The following CCDC51 variants were observed in gnomAD, a reference collection of about 807,000 sequenced individuals.
The protein encoded by CCDC51 is coiled-coil domain containing 51, also known as mitochondrial potassium channel.
A neutral mutation model predicts 24.8 loss-of-function variants in CCDC51; 25 were observed. The observed-to-expected ratio is 1.01, with a 90% CI of 0.73 to 1.41. The LOEUF is 1.41. Among genes scored for constraint, CCDC51 ranks in the 40% most tolerant of loss-of-function variants. CCDC51 has a pLI of 0.00. For missense variants in CCDC51, 466 were observed against 519.1 expected, an observed-to-expected ratio of 0.90 and a Z score of 0.99; for synonymous variants, 190 against 204.3, an observed-to-expected ratio of 0.93 and a Z score of 0.60.
At chr3:48,434,545 A>G (rs1308769097) in intron 2 of CCDC51, among the ~76,000 whole-genome samples, 1 of 152,210 alleles carries the variant, frequency 6.6e-6, no homozygotes, top group Non-Finnish European at 1.5e-5. Context: ...TCTCACCATC[A>G]ATCCCCAAAT....
upstream of CCDC51, among the ~76,000 whole-genome samples, chr3:48,442,260 CAAAA>C (rs199829895): frequency 4.6e-4 from 61 of 131,898 alleles, no homozygotes; most frequent in African/African-American, 1.1e-3. Context: ...GACCCTATCT[CAAAA>C]AAAAAAAAAA....
In CCDC51 at chr3:48,435,853, T is replaced by C. The variant is rs1188196193; in HGVS notation, c.-8-717A>G. 1.3e-5 allele frequency among the ~76,000 whole-genome samples: 2 copies of C among 152,156 alleles called. No individual in the cohort carries two copies. Among genetic ancestry groups the C allele is most frequent in the African/African-American group, 4.8e-5 (2 of 41,440 alleles). On this transcript the variant is annotated intron_variant, in intron 1 of 3. Coordinates refer to ENST00000395694, the MANE Select transcript of CCDC51 (RefSeq NM_001256964.2). This position sits in a 1 kb window ranked among gnomAD's most constrained non-coding sequence, Gnocchi z 4.2. Reference sequence around the variant, plus strand: ...CGCCATACAACTCCGCCCCCAGACTTTCCAGGCTACCAACTCTCAGTCTCA... The same window carrying C: ...CGCCATACAACTCCGCCCCCAGACTCTCCAGGCTACCAACTCTCAGTCTCA...
At chr3:48,445,644 C>A in the CCDC51 span, among the ~76,000 whole-genome samples, 38,009 of 152,210 alleles carry the variant, frequency 0.25, 5,696 homozygotes, top group East Asian at 0.63. Flanking sequence ...GGGAAGCTAT[C>A]TGACGGAGAC....
At chr3:48,434,773 C>T in intron 2 of CCDC51, 44 bp downstream of exon 2, 8 of 1,531,670 alleles carry the variant, frequency 5.2e-6, no homozygotes, top group Non-Finnish European at 7.1e-6. Flanking sequence ...GGCACATTTC[C>T]CAAGTCAGAG....
upstream of CCDC51, among the ~76,000 whole-genome samples, chr3:48,441,507 C>T (rs1342979929): frequency 2.0e-5 from 3 of 149,648 alleles, no homozygotes; most frequent in African/African-American, 7.4e-5. Flanking sequence ...TTTCGTACTG[C>T]TTATATTATC....
chr3:48,434,033 C>T, intron 2 of CCDC51, 162 bp from the exon 3 acceptor site: 2 of 1,404,386 alleles, frequency 1.4e-6, no homozygotes, highest in South Asian at 1.5e-5. Flanking sequence ...CCCAGTGGTG[C>T]TCAAAGTGCA....
chr3:48,436,581 G>A (rs1417176871), intron 1 of CCDC51, among the ~76,000 whole-genome samples: 3 of 152,220 alleles, frequency 2.0e-5, no homozygotes, highest in Non-Finnish European at 4.4e-5. Flanking sequence ...AGCCCAGTCA[G>A]ACTCCCAGGC....
chr3:48,433,565 G>T lies in CCDC51; in HGVS notation c.477+142C>A. The stretch of plus-strand genomic sequence containing the variant: ...ATAGACTCTGGAAGCTTGGGGTTCT[G>T]TCCATCCATAGGAGCTTCTGGCTCA... On this transcript the variant is annotated intron_variant, in intron 3 of 3. Transcript: ENST00000395694. This position sits in a 1 kb window ranked among gnomAD's most constrained non-coding sequence, Gnocchi z 4.4. The T allele has an allele frequency of 1.1e-6, 1 of 873,010 alleles. No homozygotes were observed. The highest frequency in any genetic ancestry group is 1.8e-6 in the Non-Finnish European group (1 of 563,842). The allele number at this position is 873,010 out of a possible 1,614,324, so 54.1% of individuals were successfully genotyped here. A position where few individuals can be genotyped will look rare whatever the true frequency, so the allele number is the denominator to read the frequency against.
chr3:48,433,229 A>G lies in CCDC51; in HGVS notation c.478-63T>C. 1.3e-6 allele frequency: 2 copies of G among 1,490,362 alleles called. No individual in the cohort carries two copies. The highest frequency in any genetic ancestry group is 1.8e-5 in the Admixed American group (1 of 56,976). 92.3% of individuals were successfully genotyped at this position (1,490,362 alleles called of 1,614,324 possible). On this transcript the variant is annotated intron_variant, in intron 3 of 3. Transcript: ENST00000395694. This position sits in a 1 kb window ranked among gnomAD's most constrained non-coding sequence, Gnocchi z 4.4. ...ACAAGGTGGCCCTGCAGCTATAGCCACCAGCAGATGGCTCACTACCTTGTG... is the reference window on the plus strand; with the variant it reads ...ACAAGGTGGCCCTGCAGCTATAGCCGCCAGCAGATGGCTCACTACCTTGTG...
upstream of CCDC51, chr3:48,440,313 G>T (rs774713655): frequency 3.7e-6 from 6 of 1,609,856 alleles, no homozygotes; most frequent in African/African-American, 2.7e-5. Context: ...GGCCGCGAAG[G>T]TAAGTGTTCC....
upstream of CCDC51, chr3:48,444,007 A>G: frequency 1.3e-5 from 9 of 688,678 alleles, no homozygotes; most frequent in Non-Finnish European, 1.9e-5. Flanking sequence ...GAGCTGTTGT[A>G]CATTTAAGAA....
At position 48,434,948 on chromosome 3, in the gene CCDC51, G is replaced by T. The variant is rs376560818; in HGVS notation, c.181C>A (p.Pro61Thr). The part of the protein sequence containing the change: ...EVALGLHHRL[P>T]ALGRALGHSI... ...TGCCCCAGGGCTCTTCCCAGTGCTG[G>T]GAGGCGGTGGTGCAGCCCCAGGGCC... Residue 61 changes from proline (P) to threonine (T), a missense_variant, in exon 2 of 4, where the codon CCA becomes ACA. Coordinates refer to ENST00000395694, the MANE Select transcript of CCDC51 (RefSeq NM_001256964.2). The T allele has an allele frequency of 6.2e-7, 1 of 1,614,142 alleles. No individual in the cohort carries two copies.
chr3:48,432,232 A>T lies in CCDC51; in HGVS notation c.*176T>A. Reference sequence around the variant, plus strand: ...ACATTAGCACAAAGTTTTGATAATTAATGTAAATGAACCTTGTCTACAAAG... The same window carrying T: ...ACATTAGCACAAAGTTTTGATAATTTATGTAAATGAACCTTGTCTACAAAG... On this transcript the variant is annotated 3_prime_UTR_variant, in exon 4 of 4. Coordinates refer to ENST00000395694, the MANE Select transcript of CCDC51 (RefSeq NM_001256964.2). 2 of 622,732 alleles carry T rather than the reference A, an allele frequency of 3.2e-6. No individual in the cohort carries two copies. The highest frequency in any genetic ancestry group is 2.7e-6 in the Non-Finnish European group (1 of 368,600). 38.6% of individuals were successfully genotyped at this position (622,732 alleles called of 1,614,324 possible). A position where few individuals can be genotyped will look rare whatever the true frequency, so the allele number is the denominator to read the frequency against.
chr3:48,440,875 A>G, upstream of CCDC51: 1 of 577,258 alleles, frequency 1.7e-6, no homozygotes, highest in Non-Finnish European at 3.1e-6. Flanking sequence ...GCAGAAACGG[A>G]AACAGTGAAA....
chr3:48,444,406 G>A (rs1263459669), upstream of CCDC51, among the ~76,000 whole-genome samples: 1 of 152,120 alleles, frequency 6.6e-6, no homozygotes, highest in Non-Finnish European at 1.5e-5. Context: ...CCAAGTAGCT[G>A]TGGTTACAGG....
chr3:48,440,271 G>C (rs755896347), upstream of CCDC51: 3 of 1,593,686 alleles, frequency 1.9e-6, no homozygotes, highest in Non-Finnish European at 2.6e-6. Flanking sequence ...CCGGTGGCAG[G>C]GTCTGGGGAA....
chr3:48,436,036 G>T (rs1380363802), intron 1 of CCDC51, among the ~76,000 whole-genome samples: 1 of 152,136 alleles, frequency 6.6e-6, no homozygotes. Flanking sequence ...CCAGAATCAG[G>T]CCTCACCTGA....
At chr3:48,436,910 G>T (rs2039372845) in intron 1 of CCDC51, among the ~76,000 whole-genome samples, 1 of 152,116 alleles carries the variant, frequency 6.6e-6, no homozygotes, top group Non-Finnish European at 1.5e-5. Flanking sequence ...GCAGCCCAAG[G>T]CCCTGTAACA....
upstream of CCDC51, among the ~76,000 whole-genome samples, chr3:48,441,639 C>A (rs1462840907): frequency 6.6e-6 from 1 of 152,216 alleles, no homozygotes; most frequent in Non-Finnish European, 1.5e-5. Flanking sequence ...GAATCCTCCA[C>A]CTTTTTTACA....
Sources: gnomAD v4.1 joint callset for allele counts (sites outside exome capture counted in the v4.1 genomes callset) on GRCh38, gnomAD v4.1.1 for gene constraint, Gnocchi (gnomAD v3.1) non-coding constraint, MANE v1.5 for transcripts, NCBI Gene and HGNC (gene_info 2026-07-23, HGNC 2026-07-21) for gene names.